The following CCPG1 variants were observed in gnomAD, a reference collection of about 807,000 sequenced individuals.
CCPG1 encodes the protein cell cycle progression 1.
CCPG1 carries 46 observed loss-of-function variants against 81.3 expected under a neutral mutation model. That is an observed-to-expected ratio of 0.57 (90% CI 0.45 to 0.72). The LOEUF is 0.72. CCPG1 is among the 30% of genes least tolerant of loss of function. CCPG1 has a pLI of 0.00. For synonymous variants in CCPG1, 330 were observed against 305.2 expected, an observed-to-expected ratio of 1.08 and a Z score of -0.85; for missense variants, 902 against 937.6, an observed-to-expected ratio of 0.96 and a Z score of 0.50.
intron 3 of CCPG1, among the ~76,000 whole-genome samples, chr15:55,381,356 C>A (rs567467733): frequency 6.2e-4 from 93 of 150,666 alleles, no homozygotes; most frequent in African/African-American, 2.3e-3. Context: ...AGACTTGAAC[C>A]GGGGAGGCGG....
chr15:55,389,388 C>A lies in CCPG1; in HGVS notation c.37G>T (p.Gly13Cys). 1 of 1,611,016 alleles carries A rather than the reference C, an allele frequency of 6.2e-7. No individual in the cohort carries two copies. Among genetic ancestry groups the A allele is most frequent in the Non-Finnish European group, 8.5e-7 (1 of 1,177,336 alleles). Residue 13 changes from glycine to cysteine, a missense_variant, in exon 2 of 9, where the codon GGT (glycine) becomes TGT (cysteine). By Grantham distance (159) the Gly-to-Cys change is radical. Coordinates refer to ENST00000442196, the MANE Select transcript of CCPG1 (RefSeq NM_001204450.2). ...ACCTCATGACTGATGACAGTCCAAC[C>A]ACAAGATGAATCACTGTCACTGGAA... Reference protein sequence around the residue: ...ENSSDSDSSCGWTVISHEGSD... With the variant: ...ENSSDSDSSCCWTVISHEGSD...
intron 6 of CCPG1, among the ~76,000 whole-genome samples, chr15:55,370,310 T>TA (rs2056420080): frequency 6.6e-6 from 1 of 152,210 alleles, no homozygotes; most frequent in Non-Finnish European, 1.5e-5. Context: ...AACGAAAAGT[T>TA]AAGACTGTGG....
At chr15:55,400,172 T>C (rs1228506656) in intron 1 of CCPG1, among the ~76,000 whole-genome samples, 1 of 122,368 alleles carries the variant, frequency 8.2e-6, no homozygotes, top group Non-Finnish European at 1.6e-5. Context: ...ATAATACCAC[T>C]GCACTCCAGC....
chr15:55,371,042 A>G (rs493968), intron 6 of CCPG1, among the ~76,000 whole-genome samples: 91,340 of 151,636 alleles, frequency 0.6, 28,882 homozygotes, highest in African/African-American at 0.78. Flanking sequence ...GAACCCTGGG[A>G]GTGGAGTTTG....
intron 3 of CCPG1, among the ~76,000 whole-genome samples, chr15:55,384,901 G>C (rs528306000): frequency 1.3e-5 from 2 of 152,274 alleles, no homozygotes; most frequent in South Asian, 4.1e-4. Context: ...AAACAGGTTA[G>C]TAAATCTCTT....
At chr15:55,365,418 T>G in intron 6 of CCPG1, 109 bp from the exon 7 acceptor site, 4 of 624,458 alleles carry the variant, frequency 6.4e-6, no homozygotes, top group Non-Finnish European at 7.9e-6. Context: ...GTCTTTTTTT[T>G]GTTTTTTTTT....
rs2056070252 is a variant in CCPG1, at chr15:55,355,985, TAC to T, written c.*233_*234del. ...GCATGCCTGGCTTCCTTAATAAAAC[TAC>T]AGTTGAACATTTCCAGTGTCAAAAA... On this transcript the variant is annotated 3_prime_UTR_variant, in exon 9 of 9. Coordinates refer to ENST00000442196, the MANE Select transcript of CCPG1 (RefSeq NM_001204450.2). 2.1e-6 allele frequency: 1 copy of T among 486,200 alleles called. No individual in the cohort carries two copies. Among genetic ancestry groups the T allele is most frequent in the Non-Finnish European group, 3.6e-6 (1 of 279,410 alleles). The allele number at this position is 486,200 out of a possible 1,614,324, so 30.1% of individuals were successfully genotyped here. A position where few individuals can be genotyped will look rare whatever the true frequency, so the allele number is the denominator to read the frequency against.
At position 55,355,495 on chromosome 15, in the gene CCPG1, T is replaced by C; in HGVS notation, c.*725A>G. ...TTCAGATGCTGCTTAAATACTTCGG[T>C]AAACACTGGGTAAGATTCATGGAAC... On this transcript the variant is annotated 3_prime_UTR_variant, in exon 9 of 9. Transcript: ENST00000442196. 7.5e-7 allele frequency: 1 copy of C among 1,333,222 alleles called. No individual in the cohort carries two copies. The highest frequency in any genetic ancestry group is 1.0e-6 in the Non-Finnish European group (1 of 954,368). 82.6% of individuals were successfully genotyped at this position (1,333,222 alleles called of 1,614,324 possible).
At chr15:55,395,103 T>G (rs997014140) in intron 1 of CCPG1, among the ~76,000 whole-genome samples, 1 of 152,114 alleles carries the variant, frequency 6.6e-6, no homozygotes, top group Admixed American at 6.6e-5. Context: ...ATTGGCTTTC[T>G]GTGCGGCAAG....
At chr15:55,398,454 T>C (rs2057064702) in intron 1 of CCPG1, among the ~76,000 whole-genome samples, 1 of 152,220 alleles carries the variant, frequency 6.6e-6, no homozygotes, top group Non-Finnish European at 1.5e-5. Context: ...TCTGGAGTGC[T>C]TTCAAGAACG....
intron 3 of CCPG1, among the ~76,000 whole-genome samples, chr15:55,385,326 C>T (rs1460444280): frequency 6.6e-6 from 1 of 152,122 alleles, no homozygotes; most frequent in African/African-American, 2.4e-5. Context: ...CCAATACACC[C>T]GGCTAATTTT....
chr15:55,376,920 C>T (rs772410243), intron 5 of CCPG1, 29 bp downstream of exon 5: 5 of 1,534,976 alleles, frequency 3.3e-6, no homozygotes, highest in Non-Finnish European at 4.5e-6. Context: ...TCGTACATGT[C>T]TTTAAGTCTC....
chr15:55,363,799 C>CTTTTTTTTT (rs565044184), intron 7 of CCPG1, among the ~76,000 whole-genome samples: 51 of 93,930 alleles, frequency 5.4e-4, no homozygotes, highest in African/African-American at 1.3e-3. Context: ...TTTCCTTTTC[C>CTTTTTTTTT]TTTTTTTTTT....
intron 3 of CCPG1, among the ~76,000 whole-genome samples, chr15:55,382,511 C>CTT (rs752529724): frequency 0.05 from 6,947 of 139,874 alleles, 238 homozygotes; most frequent in East Asian, 0.15. Context: ...GGATCCACTT[C>CTT]TTTTTTTTTT....
chr15:55,374,754 C>T (rs886194380), intron 5 of CCPG1, among the ~76,000 whole-genome samples: 1 of 152,172 alleles, frequency 6.6e-6, no homozygotes, highest in Non-Finnish European at 1.5e-5. Flanking sequence ...CCTCAGCCTC[C>T]AGAGTAGCTG....
At chr15:55,389,068 CAAAA>C (rs373917631) in intron 2 of CCPG1, among the ~76,000 whole-genome samples, 14 of 56,270 alleles carry the variant, frequency 2.5e-4, no homozygotes, top group Non-Finnish European at 3.3e-4. Context: ...GACTCTGTCT[CAAAA>C]AAAAAAAAAA....
chr15:55,361,448 C>T (rs1336872128), intron 7 of CCPG1, among the ~76,000 whole-genome samples: 3 of 151,732 alleles, frequency 2.0e-5, no homozygotes, highest in Admixed American at 2.0e-4. Context: ...TGGCTCATGC[C>T]TGTAATCCCA....
rs1280169305 is a variant in CCPG1 at position 55,355,515 on chromosome 15, T to C, written c.*705A>G. ...TTCGGTAAACACTGGGTAAGATTCA[T>C]GGAACTTAGAAAAAAGCTGTATGAA... On this transcript the variant is annotated 3_prime_UTR_variant, in exon 9 of 9. Coordinates refer to ENST00000442196, the MANE Select transcript of CCPG1 (RefSeq NM_001204450.2). 8.7e-7 allele frequency: 1 copy of C among 1,149,386 alleles called. No homozygotes were observed. Among genetic ancestry groups the C allele is most frequent in the Non-Finnish European group, 1.2e-6 (1 of 809,064 alleles). The allele number at this position is 1,149,386 out of a possible 1,614,324, so 71.2% of individuals were successfully genotyped here. A position where few individuals can be genotyped will look rare whatever the true frequency, so the allele number is the denominator to read the frequency against.
rs796205112 is a variant in CCPG1, at chr15:55,371,313, T to C, written c.706+480A>G. On this transcript the variant is annotated intron_variant, in intron 6 of 8. Coordinates refer to ENST00000442196, the MANE Select transcript of CCPG1 (RefSeq NM_001204450.2). Reference sequence around the variant, plus strand: ...ATGACAAACTCTCAATTCATGTGAATCACAGAAGCAACAATGAAAGTTACA... The same window carrying C: ...ATGACAAACTCTCAATTCATGTGAACCACAGAAGCAACAATGAAAGTTACA... Among the ~76,000 whole-genome samples, 23 of 152,308 alleles carry C rather than the reference T, an allele frequency of 1.5e-4. 1 individual carries two copies. The highest frequency in any genetic ancestry group is 5.5e-4 in the African/African-American group (23 of 41,574).
Sources: gnomAD v4.1 joint callset for allele counts (sites outside exome capture counted in the v4.1 genomes callset) on GRCh38, gnomAD v4.1.1 for gene constraint, MANE v1.5 for transcripts, NCBI Gene and HGNC (gene_info 2026-07-23, HGNC 2026-07-21) for gene names.